Variants in DAPK1 observed in about 807,000 individuals in gnomAD.
The protein encoded by DAPK1 is death associated protein kinase 1.
Under a neutral mutation model 144.9 loss-of-function variants are expected in DAPK1, and 56 were observed. The observed-to-expected ratio is 0.39, with a 90% confidence interval of 0.31 to 0.48. DAPK1 has a LOEUF of 0.48. DAPK1 is among the 20% of genes least tolerant of loss of function. The pLI, the probability that DAPK1 is intolerant of heterozygous loss-of-function variation, is 0.95. For missense variants in DAPK1, 1,454 were observed against 1,875.4 expected, an observed-to-expected ratio of 0.78 and a Z score of 4.15; for synonymous variants, 690 against 749.0, an observed-to-expected ratio of 0.92 and a Z score of 1.29.
At chr9:87,539,159 A>G (rs1825956334) in intron 2 of DAPK1, among the ~76,000 whole-genome samples, 1 of 151,656 alleles carries the variant, frequency 6.6e-6, no homozygotes, top group African/African-American at 2.4e-5. Context: ...ATATACGTAG[A>G]CTTTATGAAA....
intron 19 of DAPK1, among the ~76,000 whole-genome samples, chr9:87,674,177 CCTT>C (rs1486928551): frequency 1.3e-5 from 2 of 152,008 alleles, no homozygotes; most frequent in Non-Finnish European, 2.9e-5. Context: ...GTTTGGCCAT[CCTT>C]CTAATCAGAT....
In DAPK1 at chr9:87,499,116, C is replaced by G; in HGVS notation, c.39C>G (p.Tyr13Ter). ...VFRQENVDDY[Y>*]DTGEELGSGQ... is the part of the protein sequence containing the mutation. The stretch of plus-strand genomic sequence containing the variant: ...GGCAGGAAAACGTGGATGATTACTA[C>G]GACACCGGCGAGGAACTTGGCAGGT... Residue 13 changes from tyrosine (Y) to a stop codon, truncating the protein, a stop_gained, in exon 2 of 26, where the codon TAC becomes TAG. Coordinates refer to ENST00000408954, the MANE Select transcript of DAPK1 (RefSeq NM_004938.4). LOFTEE classifies it high-confidence loss of function. 6.2e-7 allele frequency: 1 copy of G among 1,613,960 alleles called. No homozygotes were observed. Among genetic ancestry groups the G allele is most frequent in the Non-Finnish European group, 8.5e-7 (1 of 1,179,922 alleles).
chr9:87,517,646 G>A (rs550806781), intron 2 of DAPK1, among the ~76,000 whole-genome samples: 1 of 152,292 alleles, frequency 6.6e-6, no homozygotes, highest in East Asian at 1.9e-4. Context: ...CTGAGGAATT[G>A]CCGAAAAGTT....
rs754615443 is a variant in DAPK1 at position 87,639,825 on chromosome 9, A to G, written c.629+10A>G. On this transcript the variant is annotated intron_variant, in intron 7 of 25. Transcript: ENST00000408954. ...TAATAACCTATATCCTGTAAGTATC[A>G]GAATTCACAACTCATACTCTCTTCT... is the stretch of plus-strand genomic sequence containing the variant. 4 of 1,613,234 alleles carry G rather than the reference A, an allele frequency of 2.5e-6. No homozygotes were observed. The South Asian group carries it at 4.4e-5, about 18-fold the overall frequency.
chr9:87,534,449 T>C lies in DAPK1; in HGVS notation c.62+35310T>C, dbSNP rs377200274. Among the ~76,000 whole-genome samples, 19 of 152,210 alleles carry C rather than the reference T, an allele frequency of 1.2e-4. No homozygotes were observed. In the East Asian group the frequency reaches 2.1e-3, roughly 17 times the overall value. On this transcript the variant is annotated intron_variant, in intron 2 of 25. Transcript: ENST00000408954. ...ATACTTCATAGATGTTTACTTTCCA[T>C]TGAGTTTATTTTGAGTTATTAGTAG...
At chr9:87,515,524 C>T (rs181691187) in intron 2 of DAPK1, among the ~76,000 whole-genome samples, 1 of 151,916 alleles carries the variant, frequency 6.6e-6, no homozygotes, top group Non-Finnish European at 1.5e-5. Flanking sequence ...GTTTTGGGGG[C>T]ACTGGGGGTC....
chr9:87,508,273 A>G (rs1160684261), intron 2 of DAPK1, among the ~76,000 whole-genome samples: 1 of 151,916 alleles, frequency 6.6e-6, no homozygotes, highest in Non-Finnish European at 1.5e-5. Flanking sequence ...CGGTCTCCCA[A>G]AGTACTGGGA....
chr9:87,677,249 G>A (rs1824424458), intron 19 of DAPK1, among the ~76,000 whole-genome samples: 1 of 152,192 alleles, frequency 6.6e-6, no homozygotes, highest in Non-Finnish European at 1.5e-5. Context: ...GGAATTTGAA[G>A]GAGTGAGCTG....
chr9:87,501,528 CAGCG>C (rs1015764507), intron 2 of DAPK1, among the ~76,000 whole-genome samples: 12 of 151,466 alleles, frequency 7.9e-5, no homozygotes, highest in African/African-American at 2.9e-4. Flanking sequence ...CTGGGTGATA[CAGCG>C]AGACTCTGTC....
chr9:87,538,156 T>C (rs990309458), intron 2 of DAPK1, among the ~76,000 whole-genome samples: 2 of 152,318 alleles, frequency 1.3e-5, no homozygotes, highest in South Asian at 2.1e-4. Flanking sequence ...AAATTTAAGA[T>C]GTTAATTTCC....
At chr9:87,702,407 C>T (rs908635620) in intron 24 of DAPK1, among the ~76,000 whole-genome samples, 1 of 152,146 alleles carries the variant, frequency 6.6e-6, no homozygotes, top group Admixed American at 6.5e-5. Flanking sequence ...ACAGTCCCCA[C>T]GAATGCCTAA....
chr9:87,703,286 G>C, intron 25 of DAPK1, 69 bp downstream of exon 25: 1 of 853,856 alleles, frequency 1.2e-6, no homozygotes, highest in South Asian at 1.5e-5. Context: ...CCAAATTCCA[G>C]CTCTTGGAAG....
At position 87,698,747 on chromosome 9, in the gene DAPK1, G is replaced by A; in HGVS notation, c.2703G>A (p.Glu901=). 1 of 1,606,344 alleles carries A rather than the reference G, an allele frequency of 6.2e-7. No individual in the cohort carries two copies. The highest frequency in any genetic ancestry group is 1.1e-5 in the South Asian group (1 of 90,934). Reference sequence around the variant, plus strand: ...ATGTTCCTCGACCGGCTGGAGGCGAGTTTGGATATGACAAAGACACATCGT... The same window carrying A: ...ATGTTCCTCGACCGGCTGGAGGCGAATTTGGATATGACAAAGACACATCGT... ...IMNVPRPAGG[E]FGYDKDTSLL... Residue 901 remains glutamate, a synonymous_variant, in exon 23 of 26, where the codon GAG becomes GAA. Transcript: ENST00000408954.
chr9:87,574,847 G>GGA lies in DAPK1; in HGVS notation c.63-30105_63-30104dup, dbSNP rs540017784. Among the ~76,000 whole-genome samples the GGA allele has an allele frequency of 2.2e-3, 329 of 151,938 alleles. 1 individual carries two copies. Among genetic ancestry groups the GGA allele is most frequent in the African/African-American group, 7.5e-3 (312 of 41,440 alleles). On this transcript the variant is annotated intron_variant, in intron 2 of 25. Transcript: ENST00000408954. ...GAGGCAGGAGAATCGCTTGAACCTG[G>GGA]GAGGTGGAGGTTGCAGTGAGCTGAG...
chr9:87,536,785 T>G (rs929946984), intron 2 of DAPK1, among the ~76,000 whole-genome samples: 8 of 152,296 alleles, frequency 5.3e-5, no homozygotes, highest in African/African-American at 1.9e-4. Context: ...TATTTTATTC[T>G]TATTTAAATT....
chr9:87,634,319 G>A (rs888250532), intron 3 of DAPK1, among the ~76,000 whole-genome samples: 4 of 152,170 alleles, frequency 2.6e-5, no homozygotes, highest in African/African-American at 4.8e-5. Flanking sequence ...CTGTGGCCTC[G>A]GCTGCGCTGG....
In DAPK1 at chr9:87,707,396, G is replaced by C; in HGVS notation, c.*32G>C. The C allele has an allele frequency of 1.3e-6, 2 of 1,489,080 alleles. No individual in the cohort carries two copies. The highest frequency in any genetic ancestry group is 1.8e-6 in the Non-Finnish European group (2 of 1,087,650). 92.2% of individuals were successfully genotyped at this position (1,489,080 alleles called of 1,614,324 possible). A position where few individuals can be genotyped will look rare whatever the true frequency, so the allele number is the denominator to read the frequency against. On this transcript the variant is annotated 3_prime_UTR_variant, in exon 26 of 26. Transcript: ENST00000408954. This position sits in a 1 kb window ranked among gnomAD's most constrained non-coding sequence, Gnocchi z 4.0. Reference sequence around the variant, plus strand: ...CCTCTGGCTTGGGCAGGGTCTGTTTGGACTGCAGAAGCAAGGGGGTGATGT... The same window carrying C: ...CCTCTGGCTTGGGCAGGGTCTGTTTCGACTGCAGAAGCAAGGGGGTGATGT...
In DAPK1 at chr9:87,604,979, T is replaced by C; in HGVS notation, c.88T>C (p.Cys30Arg). 1.2e-6 allele frequency: 2 copies of C among 1,614,084 alleles called. No homozygotes were observed. Residue 30 changes from cysteine to arginine, a missense_variant, in exon 3 of 26, where the codon TGC (cysteine) becomes CGC (arginine). Physicochemically the swap from Cys to Arg is radical, Grantham distance 180 (BLOSUM62 -3). This residue lies in a region of DAPK1 where 429 missense variants were observed against 637.5 expected (regional missense o/e 0.67). Coordinates refer to ENST00000408954, the MANE Select transcript of DAPK1 (RefSeq NM_004938.4). ...TGGACAGTTTGCGGTTGTGAAGAAA[T>C]GCCGTGAGAAAAGCACCGGCCTCCA... ...GSGQFAVVKK[C>R]REKSTGLQYA...
At chr9:87,603,921 A>G (rs1828616747) in intron 2 of DAPK1, among the ~76,000 whole-genome samples, 1 of 152,182 alleles carries the variant, frequency 6.6e-6, no homozygotes, top group Admixed American at 6.5e-5. Context: ...ATTTGCTGTG[A>G]TGTTTAAGGT....
Sources: gnomAD v4.1 joint callset for allele counts (sites outside exome capture counted in the v4.1 genomes callset) on GRCh38, gnomAD v4.1.1 for gene constraint, gnomAD v4.1.1 regional missense constraint, Gnocchi (gnomAD v3.1) non-coding constraint, MANE v1.5 for transcripts, NCBI Gene and HGNC (gene_info 2026-07-23, HGNC 2026-07-21) for gene names.